Variants in CSMD1 observed in about 807,000 individuals in gnomAD.
CSMD1 encodes the protein CUB and sushi domain-containing protein 1.
In CSMD1, 213 loss-of-function variants were observed where a neutral mutation model predicts 417.5. That is an observed-to-expected ratio of 0.51 (90% CI 0.46 to 0.57). The LOEUF is 0.57. CSMD1 is among the 20% of genes least tolerant of loss of function. The pLI, the probability that CSMD1 is intolerant of heterozygous loss-of-function variation, is 0.00. For synonymous variants in CSMD1, 2,862 were observed against 1,736.8 expected (o/e 1.65, Z -16.11); for missense variants, 6,923 against 4,529.7 (o/e 1.53, Z -15.17).
At chr8:3,143,028 A>G (rs190857926) in intron 40 of CSMD1, among the ~76,000 whole-genome samples, 2 of 152,356 alleles carry the variant, frequency 1.3e-5, no homozygotes, top group African/African-American at 4.8e-5. Flanking sequence ...TTTTACAATT[A>G]TGACAATCTT....
chr8:3,998,022 G>T lies in CSMD1; in HGVS notation c.699C>A (p.Asp233Glu). The change falls in exon 5 of 70, where the codon GAC becomes GAA. Residue 233 changes from aspartate (D) to glutamate (E), a missense_variant. Asp to Glu is a conservative substitution (Grantham distance 45). Coordinates refer to ENST00000635120, the MANE Select transcript of CSMD1 (RefSeq NM_033225.6). ...GCTCAGCCAGAATGGTCCAGGTGCAGTCCGCGTTGTTCTCGTACTCTGAAG... is the reference window on the plus strand; with the variant it reads ...GCTCAGCCAGAATGGTCCAGGTGCATTCCGCGTTGTTCTCGTACTCTGAAG... Reference protein sequence around the residue: ...HFPSEYENNADCTWTILAEPG... With the variant: ...HFPSEYENNAECTWTILAEPG... The T allele has an allele frequency of 6.2e-7, 1 of 1,606,944 alleles. No homozygotes were observed. The highest frequency in any genetic ancestry group is 8.5e-7 in the Non-Finnish European group (1 of 1,176,384).
At chr8:4,986,970 T>C (rs1441598719) in intron 1 of CSMD1, among the ~76,000 whole-genome samples, 2 of 152,168 alleles carry the variant, frequency 1.3e-5, no homozygotes, top group African/African-American at 4.8e-5. Context: ...AAATATATAA[T>C]ACATAGATAA....
At chr8:4,499,527 T>C (rs1563235057) in intron 2 of CSMD1, among the ~76,000 whole-genome samples, 1 of 152,206 alleles carries the variant, frequency 6.6e-6, no homozygotes, top group Non-Finnish European at 1.5e-5. Flanking sequence ...CTTTATCAAC[T>C]AGTTTAAACA....
chr8:3,181,012 T>C (rs1008548236), intron 37 of CSMD1, 98 bp downstream of exon 37: 8 of 756,776 alleles, frequency 1.1e-5, no homozygotes, highest in South Asian at 1.8e-5. Flanking sequence ...TTTAGAAAAA[T>C]AATATTTCAC....
chr8:4,202,579 CA>C (rs1214676653), intron 3 of CSMD1, among the ~76,000 whole-genome samples: 1 of 152,086 alleles, frequency 6.6e-6, no homozygotes, highest in East Asian at 1.9e-4. Context: ...TGTATTCATT[CA>C]AAAAAGGTTA....
chr8:4,188,900 C>G (rs558405381), intron 3 of CSMD1, among the ~76,000 whole-genome samples: 19 of 151,914 alleles, frequency 1.3e-4, no homozygotes, highest in African/African-American at 4.3e-4. Context: ...ATGAAACACA[C>G]GGGGTTGGCA....
chr8:3,180,409 A>G (rs1036956243), intron 37 of CSMD1, among the ~76,000 whole-genome samples: 2 of 152,166 alleles, frequency 1.3e-5, no homozygotes, highest in African/African-American at 2.4e-5. Context: ...GAAACAGAAA[A>G]GGCTTATGAC....
At chr8:3,938,698 T>G (rs1258976386) in intron 5 of CSMD1, among the ~76,000 whole-genome samples, 3 of 152,220 alleles carry the variant, frequency 2.0e-5, no homozygotes, top group Non-Finnish European at 4.4e-5. Context: ...GAGTTGACTC[T>G]ACAACAATTA....
chr8:4,223,793 C>T (rs1585051248), intron 3 of CSMD1, among the ~76,000 whole-genome samples: 1 of 152,192 alleles, frequency 6.6e-6, no homozygotes, highest in African/African-American at 2.4e-5. Context: ...ATTAAAAAGC[C>T]CCTTGGCCAA....
chr8:4,926,336 T>C (rs1235294878), intron 1 of CSMD1, among the ~76,000 whole-genome samples: 1 of 152,216 alleles, frequency 6.6e-6, no homozygotes, highest in Non-Finnish European at 1.5e-5. Flanking sequence ...TTTTGTGTAA[T>C]AACCTTTGCT....
At chr8:4,953,740 G>C (rs1585398965) in intron 1 of CSMD1, among the ~76,000 whole-genome samples, 2 of 152,142 alleles carry the variant, frequency 1.3e-5, no homozygotes, top group Non-Finnish European at 2.9e-5. Flanking sequence ...TTTGGATGGA[G>C]ATCAATACCT....
At chr8:3,780,807 C>T (rs1050250163) in intron 5 of CSMD1, among the ~76,000 whole-genome samples, 1 of 152,242 alleles carries the variant, frequency 6.6e-6, no homozygotes, top group African/African-American at 2.4e-5. Context: ...AATCAGCTGG[C>T]CCTAGTGCTT....
intron 4 of CSMD1, among the ~76,000 whole-genome samples, chr8:4,024,130 C>A (rs1352807835): frequency 6.6e-6 from 1 of 151,888 alleles, no homozygotes; most frequent in African/African-American, 2.4e-5. Flanking sequence ...AGAGATGTTA[C>A]CAAAAATTAA....
intron 7 of CSMD1, among the ~76,000 whole-genome samples, chr8:3,632,853 G>C (rs995059317): frequency 6.6e-6 from 1 of 152,154 alleles, no homozygotes; most frequent in African/African-American, 2.4e-5. Context: ...TATGTTCCTG[G>C]TTAGTGATCC....
At chr8:4,009,303 C>T (rs1320873468) in intron 4 of CSMD1, among the ~76,000 whole-genome samples, 1 of 152,142 alleles carries the variant, frequency 6.6e-6, no homozygotes, top group Non-Finnish European at 1.5e-5. Flanking sequence ...AATTTTTGTG[C>T]CCCTTTTGTG....
rs539921313 is a variant in CSMD1 at position 4,417,665 on chromosome 8, G to C, written c.415+2288C>G. On this transcript the variant is annotated intron_variant, in intron 3 of 69. Transcript: ENST00000635120. ...GGTGGGTCAAATAACAGGATCCGTG[G>C]GCAGTCTCTCCAAAATAAAAACTAA... is the stretch of plus-strand genomic sequence containing the variant. 4.6e-5 allele frequency among the ~76,000 whole-genome samples: 7 copies of C among 151,890 alleles called. No individual in the cohort carries two copies. The East Asian group carries it at 1.4e-3, about 29-fold the overall frequency.
chr8:4,141,215 G>C (rs1001535601), intron 3 of CSMD1, among the ~76,000 whole-genome samples: 1 of 151,054 alleles, frequency 6.6e-6, no homozygotes, highest in African/African-American at 2.5e-5. Context: ...AGAAAGACTG[G>C]AAACCTTCAC....
chr8:3,926,530 G>A (rs538927298), intron 5 of CSMD1, among the ~76,000 whole-genome samples: 3 of 151,650 alleles, frequency 2.0e-5, no homozygotes, highest in South Asian at 4.2e-4. Flanking sequence ...CTTACAAAAA[G>A]CAAATAATTG....
chr8:4,573,598 G>T (rs1798992594), intron 2 of CSMD1, among the ~76,000 whole-genome samples: 1 of 152,128 alleles, frequency 6.6e-6, no homozygotes, highest in Non-Finnish European at 1.5e-5. Flanking sequence ...AGGTATGGGG[G>T]TCAGGGTCCC....
Sources: allele counts gnomAD v4.1 joint callset (sites outside exome capture counted in the v4.1 genomes callset), GRCh38; gene constraint gnomAD v4.1.1; transcripts MANE v1.5; gene names NCBI Gene and HGNC (gene_info 2026-07-23, HGNC 2026-07-21).